Variants in NRG4 observed in about 807,000 individuals in gnomAD.
NRG4 encodes neuregulin 4.
A neutral mutation model predicts 15.0 loss-of-function variants in NRG4; 10 were observed. The observed-to-expected ratio is 0.67, with a 90% CI of 0.41 to 1.13. NRG4 has a LOEUF of 1.13. Among genes scored for constraint, NRG4 ranks in the 50% most tolerant of loss-of-function variants. The pLI is 0.00. For missense variants in NRG4, 139 were observed against 140.2 expected (o/e 0.99, Z 0.04); for synonymous variants, 41 against 50.1 (o/e 0.82, Z 0.77).
At chr15:75,993,367 A>C (rs1339010865) in intron 3 of NRG4, among the ~76,000 whole-genome samples, 1 of 137,548 alleles carries the variant, frequency 7.3e-6, no homozygotes, top group African/African-American at 2.7e-5. Context: ...ATTTAACATC[A>C]TTTGACAAGT....
chr15:76,020,699 G>A (rs887663312), intron 5 of NRG4, among the ~76,000 whole-genome samples: 2 of 152,226 alleles, frequency 1.3e-5, no homozygotes, highest in Non-Finnish European at 2.9e-5. Context: ...TGCGGCCCAC[G>A]CGCCAGGGTT....
chr15:76,051,466 T>A (rs1457050915), intron 4 of NRG4, among the ~76,000 whole-genome samples: 1 of 150,880 alleles, frequency 6.6e-6, no homozygotes, highest in East Asian at 1.9e-4. Context: ...ATTCATGTTA[T>A]TTTTAAATCA....
intron 4 of NRG4, among the ~76,000 whole-genome samples, chr15:76,039,308 T>C (rs57971067): frequency 0.037 from 5,625 of 152,080 alleles, 182 homozygotes; most frequent in African/African-American, 0.085. Flanking sequence ...CAGAAATACA[T>C]GATCTTTCAG....
chr15:76,005,615 G>C (rs563370499), intron 3 of NRG4: 4 of 259,092 alleles, frequency 1.5e-5, no homozygotes, highest in South Asian at 8.7e-5. Flanking sequence ...TTGAACCTGG[G>C]GGGTGGAGGT....
At chr15:76,014,144 T>C (rs960199440), upstream of NRG4, among the ~76,000 whole-genome samples, 3 of 152,240 alleles carry the variant, frequency 2.0e-5, no homozygotes, top group Admixed American at 1.3e-4. Context: ...ATGTCTTATT[T>C]TGAAGACTGT....
At chr15:75,944,129 T>A (rs2031288348) in intron 5 of NRG4, among the ~76,000 whole-genome samples, 4 of 152,076 alleles carry the variant, frequency 2.6e-5, no homozygotes, top group Admixed American at 2.6e-4. Context: ...GAGACAAAAA[T>A]TCCCTCTGTA....
intron 5 of NRG4, among the ~76,000 whole-genome samples, chr15:76,028,596 A>T (rs1437170117): frequency 3.0e-5 from 4 of 131,974 alleles, no homozygotes; most frequent in Admixed American, 1.5e-4. Flanking sequence ...CAAACTGTTT[A>T]AAAAAAAAAA....
In NRG4 at chr15:75,992,715, A is replaced by G. The variant is rs138925429; in HGVS notation, c.104+16485T>C. Among the ~76,000 whole-genome samples, 652 of 152,252 alleles carry G rather than the reference A, an allele frequency of 4.3e-3. 13 individuals are homozygous for G. The highest frequency in any genetic ancestry group is 0.015 in the African/African-American group (617 of 41,542). On this transcript the variant is annotated intron_variant, in intron 3 of 5. Transcript: ENST00000394907. ...ATAAATTTGCCTATTCTGGACATCT[A>G]ATATGTAAATATGTGTAATACATTT... is the stretch of plus-strand genomic sequence containing the variant.
intron 4 of NRG4, among the ~76,000 whole-genome samples, chr15:76,038,389 A>G (rs2035645843): frequency 6.6e-6 from 1 of 152,188 alleles, no homozygotes; most frequent in Admixed American, 6.5e-5. Flanking sequence ...ACTTCCCTGA[A>G]GAGTGAATCC....
At chr15:76,038,251 G>A (rs1379587836) in intron 4 of NRG4, among the ~76,000 whole-genome samples, 1 of 152,176 alleles carries the variant, frequency 6.6e-6, no homozygotes, top group Non-Finnish European at 1.5e-5. Context: ...TGGAGACTTT[G>A]TCTTGCATCT....
At position 76,053,758 on chromosome 15, in the gene NRG4, G is replaced by A. The variant is rs530503524; in HGVS notation, c.-261-775C>T. On this transcript the variant is annotated intron_variant, in intron 2 of 8. Coordinates refer to the NRG4 transcript ENST00000563910. The stretch of plus-strand genomic sequence containing the variant: ...TTTAGTAGAGACAGGGTTTCATCAT[G>A]TTGGCCAGGCTGGTCTCAAACTCCT... Among the ~76,000 whole-genome samples, 50 of 150,786 alleles carry A rather than the reference G, an allele frequency of 3.3e-4. 3 individuals are homozygous for A. The highest frequency in any genetic ancestry group is 1.2e-3 in the African/African-American group (48 of 40,370).
At chr15:76,031,266 C>T (rs138372079) in intron 5 of NRG4, among the ~76,000 whole-genome samples, 4 of 152,292 alleles carry the variant, frequency 2.6e-5, no homozygotes, top group Non-Finnish European at 4.4e-5. Flanking sequence ...TCATATTTCA[C>T]GTTGAAATAT....
intron 4 of NRG4, among the ~76,000 whole-genome samples, chr15:76,043,730 G>A (rs916141521): frequency 7.9e-5 from 12 of 152,206 alleles, no homozygotes; most frequent in Non-Finnish European, 1.5e-4. Flanking sequence ...ATCTACAGAT[G>A]CAATGCAATC....
chr15:76,017,215 T>C (rs2035007541), upstream of NRG4, among the ~76,000 whole-genome samples: 1 of 146,646 alleles, frequency 6.8e-6, no homozygotes, highest in Non-Finnish European at 1.5e-5. Context: ...TCCAGCCCTT[T>C]ATTTTGAGCG....
chr15:75,995,198 A>G (rs908509190), intron 3 of NRG4, among the ~76,000 whole-genome samples: 2 of 135,468 alleles, frequency 1.5e-5, no homozygotes, highest in Non-Finnish European at 3.2e-5. Flanking sequence ...ACCCTGTCTC[A>G]AAAAAAAAAA....
chr15:76,024,044 CCT>C (rs1326453347), intron 5 of NRG4, among the ~76,000 whole-genome samples: 2 of 152,226 alleles, frequency 1.3e-5, no homozygotes, highest in African/African-American at 2.4e-5. Context: ...TGCTGAGACA[CCT>C]CTGGCTTGCC....
At chr15:76,040,111 G>T (rs1363732469) in intron 4 of NRG4, among the ~76,000 whole-genome samples, 1 of 151,964 alleles carries the variant, frequency 6.6e-6, no homozygotes, top group Non-Finnish European at 1.5e-5. Flanking sequence ...CTACCTCAAG[G>T]AATTTAATAA....
rs148916854 is a variant in NRG4 at position 75,966,772 on chromosome 15, C to A, written c.105-4798G>T. ...CTCATGAAAAATGGAAAAAACAAAT[C>A]AAAAATGAAACTATTAGAAATGTTC... On this transcript the variant is annotated intron_variant, in intron 3 of 5. Coordinates refer to ENST00000394907, the MANE Select transcript of NRG4 (RefSeq NM_138573.4). Among the ~76,000 whole-genome samples, 759 of 152,150 alleles carry A rather than the reference C, an allele frequency of 5.0e-3. 8 individuals are homozygous for A. Among genetic ancestry groups the A allele is most frequent in the African/African-American group, 0.017 (714 of 41,504 alleles).
At chr15:75,960,351 G>A (rs932414549) in intron 4 of NRG4, among the ~76,000 whole-genome samples, 2 of 152,118 alleles carry the variant, frequency 1.3e-5, no homozygotes, top group Non-Finnish European at 2.9e-5. Flanking sequence ...AAAGATGGGT[G>A]TTCTGGTTAT....
Sources: gnomAD v4.1 joint callset for allele counts (sites outside exome capture counted in the v4.1 genomes callset) on GRCh38, gnomAD v4.1.1 for gene constraint, MANE v1.5 for transcripts, NCBI Gene and HGNC (gene_info 2026-07-23, HGNC 2026-07-21) for gene names.